Variants in DAB1 observed in about 807,000 individuals in gnomAD.
The protein encoded by DAB1 is DAB adaptor protein 1, also known as disabled homolog 1.
Under a neutral mutation model 64.6 loss-of-function variants are expected in DAB1, and 15 were observed. The observed-to-expected ratio is 0.23, with a 90% CI of 0.16 to 0.36. The LOEUF is 0.36. DAB1 is among the 10% of genes least tolerant of loss of function. The probability of loss-of-function intolerance (pLI) is 1.00; values close to 1 mark genes in which losing one functional copy is unlikely to be tolerated. For synonymous variants in DAB1, 235 were observed against 251.9 expected (o/e 0.93, Z 0.64); for missense variants, 596 against 706.7 (o/e 0.84, Z 1.78).
intron 9 of DAB1, among the ~76,000 whole-genome samples, chr1:57,058,148 G>T (rs531083121): frequency 1.4e-4 from 22 of 152,276 alleles, no homozygotes; most frequent in East Asian, 5.8e-4. Context: ...ATGCAGGTGC[G>T]TGAGTGTGTG....
At chr1:57,729,838 A>T (rs1647333039) in intron 6 of DAB1, among the ~76,000 whole-genome samples, 1 of 152,198 alleles carries the variant, frequency 6.6e-6, no homozygotes, top group Non-Finnish European at 1.5e-5. Context: ...AGGCCAGAGG[A>T]TCGCTTGAGG....
chr1:57,193,965 G>T (rs1177445885), intron 2 of DAB1, among the ~76,000 whole-genome samples: 1 of 152,198 alleles, frequency 6.6e-6, no homozygotes, highest in Non-Finnish European at 1.5e-5. Flanking sequence ...AGTTCACAGG[G>T]TTATCCTGTG....
At chr1:57,222,715 T>C (rs1399161878) in intron 2 of DAB1, among the ~76,000 whole-genome samples, 2 of 152,254 alleles carry the variant, frequency 1.3e-5, no homozygotes, top group East Asian at 1.9e-4. Flanking sequence ...GGAGAAAACA[T>C]ACATACACGA....
At chr1:57,585,539 G>A (rs116722946) in intron 7 of DAB1, among the ~76,000 whole-genome samples, 3,416 of 152,168 alleles carry the variant, frequency 0.022, 104 homozygotes, top group African/African-American at 0.071. Flanking sequence ...TTCCTTGAAC[G>A]TGCATGCATT....
rs761062613 is a variant in DAB1, at chr1:57,062,842, C to T, written c.723+42G>A. The T allele has an allele frequency of 1.9e-6, 3 of 1,546,392 alleles. No individual in the cohort carries two copies. The Admixed American group carries it at 5.0e-5, about 26-fold the overall frequency. Reference sequence around the variant, plus strand: ...GGCTGTAGACAGCCTCAGTGTGAATCCAGGTCACGGAAACCTGGCAGTGGA... The same window carrying T: ...GGCTGTAGACAGCCTCAGTGTGAATTCAGGTCACGGAAACCTGGCAGTGGA... On this transcript the variant is annotated intron_variant, in intron 9 of 14. Coordinates refer to ENST00000371236, the MANE Select transcript of DAB1 (RefSeq NM_001365792.1).
intron 5 of DAB1, among the ~76,000 whole-genome samples, chr1:58,014,600 C>T (rs1447850486): frequency 3.3e-5 from 5 of 152,190 alleles, no homozygotes; most frequent in African/African-American, 1.2e-4. Context: ...TCATATCTTG[C>T]CCCCATAAAT....
intron 1 of DAB1, among the ~76,000 whole-genome samples, chr1:58,539,516 T>C (rs1348281386): frequency 6.6e-6 from 1 of 150,908 alleles, no homozygotes; most frequent in Non-Finnish European, 1.5e-5. Context: ...CTATGCAACG[T>C]TTACTTTAGA....
chr1:57,223,596 C>T (rs1035109397), intron 2 of DAB1, among the ~76,000 whole-genome samples: 6 of 152,126 alleles, frequency 3.9e-5, no homozygotes, highest in African/African-American at 1.4e-4. Flanking sequence ...GAAGCCACGC[C>T]CAAACAAGGA....
At chr1:58,393,981 A>C (rs1644497926) in intron 3 of DAB1, among the ~76,000 whole-genome samples, 1 of 152,186 alleles carries the variant, frequency 6.6e-6, no homozygotes, top group Non-Finnish European at 1.5e-5. Flanking sequence ...CATGCCCCAT[A>C]AATATATGTA....
intron 4 of DAB1, among the ~76,000 whole-genome samples, chr1:57,087,155 G>A (rs1216329439): frequency 1.3e-5 from 2 of 152,184 alleles, no homozygotes; most frequent in Non-Finnish European, 2.9e-5. Context: ...AGCTTGCTGT[G>A]GGTTGCATGC....
chr1:57,249,177 G>GCA (rs1669130970), intron 2 of DAB1, among the ~76,000 whole-genome samples: 1 of 151,928 alleles, frequency 6.6e-6, no homozygotes, highest in Admixed American at 6.6e-5. Flanking sequence ...AGTCAAAGTA[G>GCA]CACAGTAACT....
chr1:58,079,003 T>C (rs912558033), intron 5 of DAB1, among the ~76,000 whole-genome samples: 5 of 152,144 alleles, frequency 3.3e-5, no homozygotes, highest in African/African-American at 1.2e-4. Flanking sequence ...ACTCACAGGA[T>C]CAAGACGGAA....
chr1:57,089,709 AC>A (rs1451782534), intron 4 of DAB1, among the ~76,000 whole-genome samples: 1 of 152,190 alleles, frequency 6.6e-6, no homozygotes, highest in East Asian at 1.9e-4. Context: ...CCCACCTCCA[AC>A]ATTGGGGATT....
At position 58,479,562 on chromosome 1, in the gene DAB1, GT is replaced by G. The variant is rs1226545332; in HGVS notation, n.257+26497del. Among the ~76,000 whole-genome samples, 13 of 152,070 alleles carry G rather than the reference GT, an allele frequency of 8.5e-5. 1 individual carries two copies. The East Asian group carries it at 2.4e-3, about 28-fold the overall frequency. On this transcript the variant is annotated intron_variant and non_coding_transcript_variant, in intron 3 of 20. Transcript: ENST00000485760. ...ACACTGCCTCATCTATGCTTTTCAT[GT>G]CAATTTTGATAGAAGGGTCTGAGAG...
chr1:57,315,459 G>A (rs922497736), intron 1 of DAB1, among the ~76,000 whole-genome samples: 1 of 152,152 alleles, frequency 6.6e-6, no homozygotes, highest in African/African-American at 2.4e-5. Context: ...GGGTACGTGG[G>A]TGGGTAAATA....
At position 57,772,528 on chromosome 1, in the gene DAB1, C is replaced by CAAGT. The variant is rs565714259; in HGVS notation, n.551+111467_551+111470dup. 2.7e-3 allele frequency among the ~76,000 whole-genome samples: 404 copies of CAAGT among 152,098 alleles called. 3 individuals are homozygous for CAAGT. The highest frequency in any genetic ancestry group is 9.4e-3 in the African/African-American group (389 of 41,514). On this transcript the variant is annotated intron_variant and non_coding_transcript_variant, in intron 6 of 20. Transcript: ENST00000485760. Reference sequence around the variant, plus strand: ...TAAAGATATATGTTTTTATTTCTTTCAAGTAAGCATCTAGGAGTAGACTCG... The same window carrying CAAGT: ...TAAAGATATATGTTTTTATTTCTTTCAAGTAAGTAAGCATCTAGGAGTAGACTCG...
intron 3 of DAB1, among the ~76,000 whole-genome samples, chr1:58,412,701 G>A (rs901724986): frequency 1.3e-5 from 2 of 152,178 alleles, no homozygotes; most frequent in Non-Finnish European, 2.9e-5. Flanking sequence ...CCACTACAGA[G>A]CAATTGCCCA....
chr1:57,379,094 T>A (rs17457873), intron 1 of DAB1, among the ~76,000 whole-genome samples: 36,804 of 151,912 alleles, frequency 0.24, 4,908 homozygotes, highest in Non-Finnish European at 0.31. Context: ...TTTACAGTTA[T>A]CTCAAGGTCT....
intron 9 of DAB1, among the ~76,000 whole-genome samples, chr1:57,048,459 CT>C (rs1342592159): frequency 6.6e-6 from 1 of 152,168 alleles, no homozygotes; most frequent in Non-Finnish European, 1.5e-5. Context: ...GTTTTACAGC[CT>C]CCCAGAGAGC....
Sources: gnomAD v4.1 joint callset for allele counts (sites outside exome capture counted in the v4.1 genomes callset) on GRCh38, gnomAD v4.1.1 for gene constraint, MANE v1.5 for transcripts, NCBI Gene and HGNC (gene_info 2026-07-23, HGNC 2026-07-21) for gene names.